SLC17A5: variants seen among roughly 807,000 people sequenced by gnomAD.
The protein encoded by SLC17A5 is solute carrier family 17 member 5.
Under a neutral mutation model 59.4 loss-of-function variants are expected in SLC17A5, and 47 were observed. The observed-to-expected ratio is 0.79, with a 90% confidence interval of 0.63 to 1.01. SLC17A5 has a LOEUF of 1.01. SLC17A5 is among the 50% of genes least tolerant of loss of function. The pLI is 0.00. For synonymous variants in SLC17A5, 202 were observed against 210.7 expected, an observed-to-expected ratio of 0.96 and a Z score of 0.36; for missense variants, 522 against 595.5, an observed-to-expected ratio of 0.88 and a Z score of 1.28.
intron 7 of SLC17A5, among the ~76,000 whole-genome samples, chr6:73,617,420 G>A (rs537025302): frequency 5.9e-5 from 9 of 152,308 alleles, no homozygotes; most frequent in African/African-American, 1.9e-4. Context: ...CAAAATATTA[G>A]TAGGAAAGTA....
intron 6 of SLC17A5, among the ~76,000 whole-genome samples, chr6:73,623,844 C>T (rs951805772): frequency 1.3e-5 from 2 of 151,634 alleles, no homozygotes; most frequent in African/African-American, 4.8e-5. Context: ...ATCACAGGCA[C>T]GTGCCACCAT....
chr6:73,611,847 T>C (rs1351152730), intron 8 of SLC17A5, among the ~76,000 whole-genome samples: 20 of 152,064 alleles, frequency 1.3e-4, no homozygotes, highest in Admixed American at 1.3e-3. Context: ...TATTTTCTTG[T>C]TTTTTTGAGA....
chr6:73,601,431 C>T, intron 9 of SLC17A5, among the ~76,000 whole-genome samples: 1 of 145,110 alleles, frequency 6.9e-6, no homozygotes, highest in Non-Finnish European at 1.5e-5. Context: ...AGCCCCGCGC[C>T]CGGCCAGCCG....
chr6:73,593,874 G>A lies in SLC17A5; in HGVS notation c.*1203C>T, dbSNP rs953286874. On this transcript the variant is annotated 3_prime_UTR_variant, in exon 11 of 11. Transcript: ENST00000355773. ...GAAGCCAGGAGTTCAAAACCAGCCTGGGCGACAAAACGAGACCCCATCTCT... is the reference window on the plus strand; with the variant it reads ...GAAGCCAGGAGTTCAAAACCAGCCTAGGCGACAAAACGAGACCCCATCTCT... 1.3e-5 allele frequency: 2 copies of A among 152,068 alleles called. No homozygotes were observed. The highest frequency in any genetic ancestry group is 2.4e-5 in the African/African-American group (1 of 41,396). The allele number at this position is 152,068 out of a possible 1,614,324, so 9.4% of individuals were successfully genotyped here. A position where few individuals can be genotyped will look rare whatever the true frequency, so the allele number is the denominator to read the frequency against.
Position 73,607,057 on chromosome 6 carries a change from A to G in SLC17A5, c.1259+3343T>C, listed in dbSNP as rs183558469. On this transcript the variant is annotated intron_variant, in intron 9 of 10. Coordinates refer to ENST00000355773, the MANE Select transcript of SLC17A5 (RefSeq NM_012434.5). ...AAAGCACACCAATCATCACTTTAATATTTTACTTGGATTGATCTGTGACCC... is the reference window on the plus strand; with the variant it reads ...AAAGCACACCAATCATCACTTTAATGTTTTACTTGGATTGATCTGTGACCC... Among the ~76,000 whole-genome samples the G allele has an allele frequency of 2.6e-5, 4 of 152,224 alleles. No individual in the cohort carries two copies. In the East Asian group the frequency reaches 7.7e-4, roughly 29 times the overall value.
chr6:73,617,655 T>G (rs578188662), intron 7 of SLC17A5, among the ~76,000 whole-genome samples: 1 of 150,490 alleles, frequency 6.6e-6, no homozygotes, highest in African/African-American at 2.4e-5. Flanking sequence ...ACCAGCTTGG[T>G]GAACATGGTG....
chr6:73,630,847 GA>G (rs1768669919), intron 6 of SLC17A5, among the ~76,000 whole-genome samples: 1 of 152,050 alleles, frequency 6.6e-6, no homozygotes, highest in Admixed American at 6.6e-5. Context: ...GGGAGTTCGA[GA>G]CCAGCCTGAC....
At chr6:73,641,208 T>G (rs1473128553) in intron 3 of SLC17A5, among the ~76,000 whole-genome samples, 1 of 152,078 alleles carries the variant, frequency 6.6e-6, no homozygotes, top group Non-Finnish European at 1.5e-5. Context: ...TCCTCCCGAG[T>G]AGCTGCAATT....
chr6:73,609,371 G>A (rs1767540898), intron 9 of SLC17A5, among the ~76,000 whole-genome samples: 1 of 152,134 alleles, frequency 6.6e-6, no homozygotes, highest in Non-Finnish European at 1.5e-5. Context: ...GCTGTGTGCT[G>A]CAAGATAAAT....
intron 1 of SLC17A5, chr6:73,653,466 AACC>A: frequency 1.0e-6 from 1 of 985,036 alleles, no homozygotes; most frequent in Non-Finnish European, 1.2e-6. Context: ...TACCCAAAAT[AACC>A]ACCAGCTCAG....
intron 9 of SLC17A5, among the ~76,000 whole-genome samples, chr6:73,601,534 C>T: frequency 9.0e-6 from 1 of 110,782 alleles, no homozygotes; most frequent in Non-Finnish European, 1.8e-5. Flanking sequence ...CCCGCCCGGC[C>T]AGCCAACCCG....
At chr6:73,641,157 G>A in intron 3 of SLC17A5, among the ~76,000 whole-genome samples, 1 of 152,042 alleles carries the variant, frequency 6.6e-6, no homozygotes, top group East Asian at 1.9e-4. Flanking sequence ...TTGGCTCACT[G>A]CAACCTCTGC....
intron 2 of SLC17A5, among the ~76,000 whole-genome samples, chr6:73,643,411 C>T (rs188120662): frequency 1.1e-4 from 16 of 152,044 alleles, no homozygotes; most frequent in Non-Finnish European, 1.5e-4. Flanking sequence ...CCATGTGCCT[C>T]GGCCTCCCAA....
rs537835319 is a variant in SLC17A5, at chr6:73,609,652, T to A, written c.1259+748A>T. On this transcript the variant is annotated intron_variant, in intron 9 of 10. Transcript: ENST00000355773. The stretch of plus-strand genomic sequence containing the variant: ...AAGGGAGTTTCTGCCTTCACAGAGT[T>A]CCTAGTCTAGTTGGGTGAACAGACA... 2.2e-4 allele frequency among the ~76,000 whole-genome samples: 34 copies of A among 152,338 alleles called. No homozygotes were observed. The South Asian group carries it at 7.0e-3, about 32-fold the overall frequency.
At chr6:73,610,615 A>G (rs1219812462) in intron 8 of SLC17A5, 68 bp from the exon 9 acceptor site, 3 of 1,568,870 alleles carry the variant, frequency 1.9e-6, no homozygotes, top group Non-Finnish European at 2.6e-6. Context: ...TTAATATGGT[A>G]TAAATCTGAA....
At chr6:73,615,969 T>G (rs1443538115) in intron 7 of SLC17A5, among the ~76,000 whole-genome samples, 1 of 137,106 alleles carries the variant, frequency 7.3e-6, no homozygotes, top group Admixed American at 8.4e-5. Context: ...CACTGCAACC[T>G]CTGCCTCCTG....
chr6:73,603,404 T>G (rs957415509), intron 9 of SLC17A5, among the ~76,000 whole-genome samples: 5 of 147,096 alleles, frequency 3.4e-5, no homozygotes, highest in African/African-American at 1.3e-4. Flanking sequence ...ATAATTCATT[T>G]TTAAAATTGC....
Position 73,618,308 on chromosome 6 carries a change from T to TAAAATA in SLC17A5, c.979-2862_979-2861insTATTTT, listed in dbSNP as rs199704254. On this transcript the variant is annotated intron_variant, in intron 7 of 10. Transcript: ENST00000355773. ...TAAAATAAAATAAAATAAAATAAAATGAGTTTCTGGTTGTGACGACCTACC... is the reference window on the plus strand; with the variant it reads ...TAAAATAAAATAAAATAAAATAAAATAAAATAGAGTTTCTGGTTGTGACGACCTACC... 7 of 193,112 alleles carry TAAAATA rather than the reference T, an allele frequency of 3.6e-5. No individual in the cohort carries two copies. The East Asian group carries it at 8.1e-4, about 22-fold the overall frequency. The allele number at this position is 193,112 out of a possible 1,614,324, so 12.0% of individuals were successfully genotyped here.
chr6:73,614,464 G>T (rs1177856812), intron 8 of SLC17A5, among the ~76,000 whole-genome samples: 2 of 152,080 alleles, frequency 1.3e-5, no homozygotes, highest in African/African-American at 4.8e-5. Context: ...CCGGTTTTTT[G>T]GCACACAGCT....
Sources: gnomAD v4.1 joint callset for allele counts (sites outside exome capture counted in the v4.1 genomes callset) on GRCh38, gnomAD v4.1.1 for gene constraint, MANE v1.5 for transcripts, NCBI Gene and HGNC (gene_info 2026-07-23, HGNC 2026-07-21) for gene names.